The following RBM41 variants were observed in gnomAD, a reference collection of about 807,000 sequenced individuals.
The protein encoded by RBM41 is RNA-binding protein 41.
A neutral mutation model predicts 30.8 loss-of-function variants in RBM41; 14 were observed. The ratio of observed to expected loss-of-function variants is 0.45; its 90% CI spans 0.30 to 0.71. RBM41 has a LOEUF of 0.71. Among genes scored for constraint, RBM41 ranks in the 30% least tolerant of loss-of-function variants. The pLI, the probability that RBM41 is intolerant of heterozygous loss-of-function variation, is 0.08. For missense variants in RBM41, 276 were observed against 326.3 expected, an observed-to-expected ratio of 0.85 and a Z score of 1.19; for synonymous variants, 120 against 110.1, an observed-to-expected ratio of 1.09 and a Z score of -0.56.
In RBM41 at chrX:107,069,114, C is replaced by T. The variant is rs1165893686; in HGVS notation, c.1147+141G>A. 8.6e-5 allele frequency: 48 copies of T among 561,242 alleles called. No homozygotes were observed. The East Asian group carries it at 1.7e-3, about 20-fold the overall frequency. The allele number at this position is 561,242 out of a possible 1,213,427, so 46.3% of individuals were successfully genotyped here. A position where few individuals can be genotyped will look rare whatever the true frequency, so the allele number is the denominator to read the frequency against. ...GGAGGAGAGGAAACAGAAAGAAACA[C>T]TGAAAACATATTTTTCGTTCATTGT... is the stretch of plus-strand genomic sequence containing the variant. On this transcript the variant is annotated intron_variant, in intron 7 of 7. Coordinates refer to ENST00000685964, the MANE Select transcript of RBM41 (RefSeq NM_001324242.2).
intron 1 of RBM41, among the ~76,000 whole-genome samples, chrX:107,117,700 T>C (rs1158873662): frequency 2.7e-5 from 3 of 111,873 alleles, no homozygotes; most frequent in Non-Finnish European, 5.6e-5. Context: ...TAGGAACATT[T>C]TGTTTAGGGA....
At chrX:107,095,949 G>T (rs142421285) in intron 5 of RBM41, among the ~76,000 whole-genome samples, 2,773 of 111,533 alleles carry the variant, frequency 0.025, 99 homozygotes, top group African/African-American at 0.085. Flanking sequence ...CTCAGGAGTT[G>T]GAGGCTGCAG....
At chrX:107,073,258 C>A (rs1354178073) in intron 6 of RBM41, among the ~76,000 whole-genome samples, 1 of 111,801 alleles carries the variant, frequency 8.9e-6, no homozygotes, top group African/African-American at 3.2e-5. Context: ...GGATTAATAT[C>A]CAGACTATAC....
At chrX:107,097,349 T>G (rs1181174815) in intron 5 of RBM41, among the ~76,000 whole-genome samples, 1 of 112,180 alleles carries the variant, frequency 8.9e-6, no homozygotes, top group East Asian at 2.8e-4. Flanking sequence ...GGTTTGGCTC[T>G]GTGTCCCCAC....
chrX:107,081,429 C>T (rs1921509093), intron 6 of RBM41, among the ~76,000 whole-genome samples: 1 of 111,565 alleles, frequency 9.0e-6, no homozygotes, highest in African/African-American at 3.3e-5. Flanking sequence ...ATTATAGTAA[C>T]TCTTGAAGTT....
intron 6 of RBM41, among the ~76,000 whole-genome samples, chrX:107,080,783 A>G (rs1259959433): frequency 9.0e-6 from 1 of 111,646 alleles, no homozygotes; most frequent in Non-Finnish European, 1.9e-5. Flanking sequence ...AATAAAGATG[A>G]GCTTCTTTTC....
intron 5 of RBM41, among the ~76,000 whole-genome samples, chrX:107,105,279 G>A (rs1394637720): frequency 9.3e-6 from 1 of 107,237 alleles, no homozygotes; most frequent in Non-Finnish European, 1.9e-5. Context: ...TTGCTTCAAA[G>A]AGAATAAAAT....
chrX:107,053,051 T>G, the RBM41 span, among the ~76,000 whole-genome samples: 1 of 110,121 alleles, frequency 9.1e-6, no homozygotes, highest in Non-Finnish European at 1.9e-5. Flanking sequence ...AGGGAGTCAG[T>G]GACCTGTTCC....
At chrX:107,053,595 G>C in the RBM41 span, among the ~76,000 whole-genome samples, 11 of 112,082 alleles carry the variant, frequency 9.8e-5, no homozygotes, top group South Asian at 4.1e-3. Flanking sequence ...TAGGGTTTTG[G>C]GCTGAGACCT....
In RBM41 at chrX:107,099,936, G is replaced by T. The variant is rs189437161; in HGVS notation, c.596-11097C>A. Among the ~76,000 whole-genome samples, 7 of 111,782 alleles carry T rather than the reference G, an allele frequency of 6.3e-5. No individual in the cohort carries two copies. The East Asian group carries it at 2.0e-3, about 31-fold the overall frequency. On this transcript the variant is annotated intron_variant, in intron 5 of 7. Transcript: ENST00000685964. The stretch of plus-strand genomic sequence containing the variant: ...TAGGAGATACACAATTAAGTATTTA[G>T]GAGTAAATCCTTCTTATTTCTGAAA...
Position 107,088,547 on chromosome X carries a change from C to T in RBM41, c.888G>A (p.Thr296=), listed in dbSNP as rs779737061. 1.1e-5 allele frequency: 13 copies of T among 1,211,130 alleles called. No individual in the cohort carries two copies. Among genetic ancestry groups the T allele is most frequent in the Admixed American group, 6.5e-5 (3 of 45,985 alleles). ...EQCWTGPKKL[T]QPIEFVPEDE... is the part of the protein sequence containing the mutation. ...CTTCTGGGACAAATTCTATTGGCTG[C>T]GTCAGCTTCTTAGGCCCAGTCCAAC... The change falls in exon 6 of 8, where the codon ACG becomes ACA. Residue 296 remains threonine, a synonymous_variant. Transcript: ENST00000685964.
chrX:107,115,338 T>C lies in RBM41; in HGVS notation c.523+14A>G, dbSNP rs1015252457. 1 of 1,202,786 alleles carries C rather than the reference T, an allele frequency of 8.3e-7. No individual in the cohort carries two copies. Among genetic ancestry groups the C allele is most frequent in the African/African-American group, 1.8e-5 (1 of 57,116 alleles). On this transcript the variant is annotated intron_variant, in intron 4 of 7. Transcript: ENST00000685964. ...CAGTGAAAGAATATATCAAAGTCAG[T>C]GGGGATCACATACCTTGGTAATAAA...
chrX:107,087,148 A>G (rs922898740), intron 6 of RBM41, among the ~76,000 whole-genome samples: 3 of 111,765 alleles, frequency 2.7e-5, no homozygotes, highest in Non-Finnish European at 5.6e-5. Context: ...ATAATGCTTT[A>G]TTATTTTTTT....
At chrX:107,060,253 G>GA (rs368454963), downstream of RBM41, among the ~76,000 whole-genome samples, 329 of 96,314 alleles carry the variant, frequency 3.4e-3, 1 homozygote, top group Middle Eastern at 5.2e-3. Context: ...AATATAGAGT[G>GA]AAAAAAAAAA....
At chrX:107,079,297 T>C (rs986695285) in intron 6 of RBM41, among the ~76,000 whole-genome samples, 1 of 112,295 alleles carries the variant, frequency 8.9e-6, no homozygotes, top group Admixed American at 9.4e-5. Flanking sequence ...TCATTTCAGC[T>C]TCCTCCCTTT....
chrX:107,071,156 C>A (rs1936048603), intron 6 of RBM41, among the ~76,000 whole-genome samples: 1 of 103,881 alleles, frequency 9.6e-6, no homozygotes. Context: ...TGCCCTATAC[C>A]TATAAAAGAT....
chrX:107,089,953 T>C (rs780311221), intron 5 of RBM41, among the ~76,000 whole-genome samples: 1 of 112,618 alleles, frequency 8.9e-6, no homozygotes, highest in South Asian at 3.7e-4. Flanking sequence ...TCCGTAATTC[T>C]AAAATGAACT....
At chrX:107,091,928 T>A (rs1289629287) in intron 5 of RBM41, among the ~76,000 whole-genome samples, 1 of 111,858 alleles carries the variant, frequency 8.9e-6, no homozygotes, top group Non-Finnish European at 1.9e-5. Context: ...CTGATACACG[T>A]TGGTCTTATA....
rs758294290 is a variant in RBM41, at chrX:107,112,467, G to T, written c.595+930C>A. ...AATGGTACAGCCACTCTGGAAAATG[G>T]TTTGGCAGTTTCATATAAAGTTAAA... is the stretch of plus-strand genomic sequence containing the variant. On this transcript the variant is annotated intron_variant, in intron 5 of 7. Coordinates refer to ENST00000685964, the MANE Select transcript of RBM41 (RefSeq NM_001324242.2). Among the ~76,000 whole-genome samples, 2 of 111,370 alleles carry T rather than the reference G, an allele frequency of 1.8e-5. 1 individual carries two copies. Among genetic ancestry groups the T allele is most frequent in the Non-Finnish European group, 3.8e-5 (2 of 52,805 alleles).
Sources: allele counts gnomAD v4.1 joint callset (sites outside exome capture counted in the v4.1 genomes callset), GRCh38; gene constraint gnomAD v4.1.1; transcripts MANE v1.5; gene names NCBI Gene and HGNC (gene_info 2026-07-23, HGNC 2026-07-21).